Variants in UBR4 observed in about 807,000 individuals in gnomAD.
UBR4 encodes the protein ubiquitin protein ligase E3 component n-recognin 4, also known as E3 ubiquitin-protein ligase UBR4.
UBR4 carries 124 observed loss-of-function variants against 575.6 expected under a neutral mutation model. That is an observed-to-expected ratio of 0.22 (90% CI 0.19 to 0.25). UBR4 has a LOEUF of 0.25. Among genes scored for constraint, UBR4 ranks in the 10% least tolerant of loss-of-function variants. UBR4 has a pLI of 1.00. For synonymous variants in UBR4, 2,455 were observed against 2,473.7 expected (o/e 0.99, Z 0.22); for missense variants, 4,818 against 6,478.8 (o/e 0.74, Z 8.80).
chr1:19,120,017 C>T (rs1370942693), intron 69 of UBR4, among the ~76,000 whole-genome samples, 163 bp downstream of exon 69: 2 of 152,154 alleles, frequency 1.3e-5, no homozygotes, highest in African/African-American at 4.8e-5. Context: ...AGTTTAATGG[C>T]TAAAAAGCAG....
At chr1:19,151,399 A>G (rs1469874727) in intron 48 of UBR4, 5 of 587,962 alleles carry the variant, frequency 8.5e-6, no homozygotes, top group Non-Finnish European at 1.6e-5. Context: ...GGTGGACACA[A>G]CACTATTGAA....
intron 97 of UBR4, among the ~76,000 whole-genome samples, chr1:19,091,519 C>T (rs2077508340): frequency 6.6e-6 from 1 of 152,140 alleles, no homozygotes; most frequent in Non-Finnish European, 1.5e-5. Context: ...AGAAATTGGG[C>T]AAAAGACATG....
Position 19,153,988 on chromosome 1 carries a change from T to C in UBR4, c.6459-49A>G, listed in dbSNP as rs144078186. On this transcript the variant is annotated intron_variant, in intron 44 of 105. Coordinates refer to ENST00000375254, the MANE Select transcript of UBR4 (RefSeq NM_020765.3). This position sits in a 1 kb window ranked among gnomAD's most constrained non-coding sequence, Gnocchi z 4.1. ...AGTTAGAGTGTCAGTCACCATTTAATAGTTCTTTTCTTGACCTAAAAACCA... is the reference window on the plus strand; with the variant it reads ...AGTTAGAGTGTCAGTCACCATTTAACAGTTCTTTTCTTGACCTAAAAACCA... 8.2e-6 allele frequency: 13 copies of C among 1,588,154 alleles called. No homozygotes were observed. The East Asian group carries it at 1.6e-4, about 19-fold the overall frequency.
At chr1:19,182,274 C>T (rs2091046723) in intron 17 of UBR4, among the ~76,000 whole-genome samples, 1 of 152,200 alleles carries the variant, frequency 6.6e-6, no homozygotes, top group East Asian at 1.9e-4. Flanking sequence ...TGGATAAACA[C>T]CTGTTCAAGC....
intron 11 of UBR4, among the ~76,000 whole-genome samples, chr1:19,191,930 T>C (rs1372053330): frequency 6.6e-6 from 1 of 152,162 alleles, no homozygotes; most frequent in Non-Finnish European, 1.5e-5. Context: ...TTCATAAAAT[T>C]CCTGAAATAC....
chr1:19,130,229 G>A, intron 60 of UBR4, among the ~76,000 whole-genome samples: 1 of 152,104 alleles, frequency 6.6e-6, no homozygotes, highest in Non-Finnish European at 1.5e-5. Context: ...CCCCAGCCCA[G>A]AATATTTTCA....
intron 104 of UBR4, among the ~76,000 whole-genome samples, chr1:19,077,204 T>C (rs2076028394): frequency 6.6e-6 from 1 of 152,204 alleles, no homozygotes; most frequent in African/African-American, 2.4e-5. Flanking sequence ...GACTTGTCAA[T>C]GTGCTTCCAT....
chr1:19,077,771 C>T (rs750799441), intron 104 of UBR4: 34 of 1,502,130 alleles, frequency 2.3e-5, no homozygotes, highest in African/African-American at 4.2e-5. Flanking sequence ...CAAAACCAAA[C>T]AAAACAAATG....
rs2080307625 is a variant in UBR4 at position 19,114,798 on chromosome 1, G to C, written c.11202+13C>G. 6 of 1,614,028 alleles carry C rather than the reference G, an allele frequency of 3.7e-6. No individual in the cohort carries two copies. The highest frequency in any genetic ancestry group is 5.1e-6 in the Non-Finnish European group (6 of 1,179,988). On this transcript the variant is annotated intron_variant, in intron 75 of 105. Transcript: ENST00000375254. The stretch of plus-strand genomic sequence containing the variant: ...AGGCCACAGCCCTGAGTCTAGGCCA[G>C]ATCTGGCCTCACCTTCTTCCGGTCT...
In UBR4 at chr1:19,139,422, A is replaced by T. The variant is rs2083579301; in HGVS notation, c.8594-202T>A. On this transcript the variant is annotated intron_variant, in intron 58 of 105. Transcript: ENST00000375254. This position sits in a 1 kb window ranked among gnomAD's most constrained non-coding sequence, Gnocchi z 4.2. ...AATCACTAACAGGAACAAACACTAT[A>T]CACGGTGCATTGCAAACAGTACTTA... Among the ~76,000 whole-genome samples, 1 of 152,220 alleles carries T rather than the reference A, an allele frequency of 6.6e-6. No homozygotes were observed. The highest frequency in any genetic ancestry group is 1.5e-5 in the Non-Finnish European group (1 of 68,036).
rs187760206 is a variant in UBR4, at chr1:19,138,668, C to T, written c.8731+415G>A. Reference sequence around the variant, plus strand: ...CACATCAGATCATTAACAATAAGATCGCTTAAAAAAAAACCCTTCCCCAAA... The same window carrying T: ...CACATCAGATCATTAACAATAAGATTGCTTAAAAAAAAACCCTTCCCCAAA... On this transcript the variant is annotated intron_variant, in intron 59 of 105. Coordinates refer to ENST00000375254, the MANE Select transcript of UBR4 (RefSeq NM_020765.3). Among the ~76,000 whole-genome samples the T allele has an allele frequency of 3.8e-4, 57 of 150,292 alleles. No homozygotes were observed. The South Asian group carries it at 0.011, about 29-fold the overall frequency.
intron 57 of UBR4, among the ~76,000 whole-genome samples, 177 bp downstream of exon 57, chr1:19,141,170 C>T (rs1196988847): frequency 6.6e-6 from 1 of 152,260 alleles, no homozygotes; most frequent in Non-Finnish European, 1.5e-5. Flanking sequence ...GGCACTCAGA[C>T]TGAAATTCCC....
At chr1:19,148,654 T>C (rs1012453369) in intron 49 of UBR4, 28 bp from the exon 50 acceptor site, 9 of 1,613,320 alleles carry the variant, frequency 5.6e-6, no homozygotes, top group Non-Finnish European at 7.6e-6. Flanking sequence ...CTGGCTTGAG[T>C]ACAACACCGT....
intron 103 of UBR4, 34 bp downstream of exon 103, chr1:19,081,315 T>C: frequency 6.5e-7 from 1 of 1,528,338 alleles, no homozygotes; most frequent in Non-Finnish European, 8.8e-7. Context: ...TGATGGGAAA[T>C]AGTGAGCAGC....
rs150753237 is a variant in UBR4, at chr1:19,147,219, C to T, written c.7630-219G>A. 1.5e-4 allele frequency among the ~76,000 whole-genome samples: 23 copies of T among 152,302 alleles called. No individual in the cohort carries two copies. The East Asian group carries it at 4.4e-3, about 29-fold the overall frequency. On this transcript the variant is annotated intron_variant, in intron 51 of 105. Transcript: ENST00000375254. ...ATGTCATTAAAAAATAAAAACCCTGCAGTATCAAAGTATGATGGGAAAATT... is the reference window on the plus strand; with the variant it reads ...ATGTCATTAAAAAATAAAAACCCTGTAGTATCAAAGTATGATGGGAAAATT...
Position 19,095,563 on chromosome 1 carries a change from C to A in UBR4, c.13608G>T (p.Met4536Ile), listed in dbSNP as rs1041204391. 1.2e-6 allele frequency: 2 copies of A among 1,613,868 alleles called. No homozygotes were observed. Among genetic ancestry groups the A allele is most frequent in the Non-Finnish European group, 1.7e-6 (2 of 1,179,992 alleles). The change falls in exon 93 of 106, where the codon ATG becomes ATT. Residue 4536 changes from methionine to isoleucine, a missense_variant. Met to Ile is a conservative substitution (Grantham distance 10, BLOSUM62 1). This residue lies in a region of UBR4 where 165 missense variants were observed against 282.3 expected (regional missense o/e 0.58). Coordinates refer to ENST00000375254, the MANE Select transcript of UBR4 (RefSeq NM_020765.3). Reference sequence around the variant, plus strand: ...TCCTTACCAGGTTTAGGGTCCCCAGCATGACGTTCAAGGTGTTCATTTCCA... The same window carrying A: ...TCCTTACCAGGTTTAGGGTCCCCAGAATGACGTTCAAGGTGTTCATTTCCA... Reference protein sequence around the residue: ...VKLEMNTLNVMLGTLNLALVA... With the variant: ...VKLEMNTLNVILGTLNLALVA...
intron 60 of UBR4, among the ~76,000 whole-genome samples, chr1:19,130,052 A>T (rs2082257038): frequency 6.6e-6 from 1 of 152,148 alleles, no homozygotes; most frequent in Non-Finnish European, 1.5e-5. Context: ...AGGACCAAAA[A>T]AATTGTTTTA....
At chr1:19,132,605 T>TAAAAAAAAAAAAAAAAAAAAA in intron 60 of UBR4, among the ~76,000 whole-genome samples, 28 of 24,088 alleles carry the variant, frequency 1.2e-3, no homozygotes, top group Admixed American at 1.5e-3. Flanking sequence ...TAAAAAATGG[T>TAAAAAAAAAAAAAAAAAAAAA]AAAAAAAAAA....
In UBR4 at chr1:19,186,567, T is replaced by C; in HGVS notation, c.1723A>G (p.Ser575Gly). The change falls in exon 14 of 106, where the codon AGT becomes GGT. Residue 575 changes from serine to glycine, a missense_variant. This residue lies in a region of UBR4 where 162 missense variants were observed against 216.4 expected (regional missense o/e 0.75). Transcript: ENST00000375254. Reference sequence around the variant, plus strand: ...TGGCTGCTGTCCTCCTCCGTGCTACTGAAATCGTCCTCATAGTAAGTATTG... The same window carrying C: ...TGGCTGCTGTCCTCCTCCGTGCTACCGAAATCGTCCTCATAGTAAGTATTG... ...DSNTYYEDDF[S>G]STEEDSSQDD... The C allele has an allele frequency of 6.2e-7, 1 of 1,614,100 alleles. No individual in the cohort carries two copies. The highest frequency in any genetic ancestry group is 8.5e-7 in the Non-Finnish European group (1 of 1,179,980).
Sources: allele counts gnomAD v4.1 joint callset (sites outside exome capture counted in the v4.1 genomes callset), GRCh38; gene constraint gnomAD v4.1.1; regional missense constraint gnomAD v4.1.1; non-coding constraint Gnocchi (gnomAD v3.1); transcripts MANE v1.5; gene names NCBI Gene and HGNC (gene_info 2026-07-23, HGNC 2026-07-21).